CCDC144A: variants seen among roughly 807,000 people sequenced by gnomAD.
CCDC144A encodes coiled-coil domain-containing protein 144A.
CCDC144A carries 41 observed loss-of-function variants against 143.8 expected under a neutral mutation model. The observed-to-expected ratio is 0.29, with a 90% CI of 0.22 to 0.37. The LOEUF (loss-of-function observed/expected upper bound fraction) is 0.37, where lower values mean the gene tolerates loss of function less well. Ranked by LOEUF, CCDC144A falls within the 10% of genes least tolerant of loss-of-function variation. The pLI is 1.00. For synonymous variants in CCDC144A, 242 were observed against 517.9 expected (o/e 0.47, Z 7.23); for missense variants, 637 against 1,488.8 (o/e 0.43, Z 9.41).
intron 8 of CCDC144A, among the ~76,000 whole-genome samples, chr17:16,724,019 A>G (rs1303389406): frequency 6.6e-6 from 1 of 151,658 alleles, no homozygotes; most frequent in Non-Finnish European, 1.5e-5. Context: ...TGTGTTCCAC[A>G]AATCCTGATA....
chr17:16,709,193 C>G lies in CCDC144A; in HGVS notation c.1136C>G (p.Pro379Arg), dbSNP rs1300133600. ...LKNIIHPYYH[P>R]YSGSQEHVCQ... ...AATATCATCCATCCATACTATCATC[C>G]ATACTCTGGGTCCCAGGAACATGTT... is the stretch of plus-strand genomic sequence containing the variant. Residue 379 changes from proline to arginine, a missense_variant, in exon 5 of 17, where the codon CCA (proline) becomes CGA (arginine). Transcript: ENST00000399273. 2 of 1,611,672 alleles carry G rather than the reference C, an allele frequency of 1.2e-6. No individual in the cohort carries two copies. The highest frequency in any genetic ancestry group is 4.5e-5 in the East Asian group (2 of 44,858).
intron 12 of CCDC144A, among the ~76,000 whole-genome samples, chr17:16,737,367 C>A (rs1237104303): frequency 6.6e-6 from 1 of 151,604 alleles, no homozygotes; most frequent in Admixed American, 6.6e-5. Flanking sequence ...GGGGTTTCAC[C>A]GTTTTAGCCG....
At chr17:16,682,817 T>G in the CCDC144A span, among the ~76,000 whole-genome samples, 1 of 151,040 alleles carries the variant, frequency 6.6e-6, no homozygotes, top group African/African-American at 2.4e-5. Flanking sequence ...AATTTTGTTG[T>G]AGTGAGTAGG....
In CCDC144A at chr17:16,763,957, C is replaced by T. The variant is rs373344792; in HGVS notation, c.3888-8C>T. ...ATACTAAGCATTTGTCTTTTTCAAT[C>T]TTCATAGAACTAATGAGATGATAGC... On this transcript the variant is annotated splice_polypyrimidine_tract_variant and splice_region_variant and intron_variant, in intron 14 of 16. Transcript: ENST00000399273. The T allele has an allele frequency of 1.6e-5, 26 of 1,598,494 alleles. No individual in the cohort carries two copies. In the African/African-American group the frequency reaches 2.6e-4, roughly 16 times the overall value.
chr17:16,711,491 T>A (rs1365306671), intron 5 of CCDC144A, among the ~76,000 whole-genome samples, 188 bp from the exon 6 acceptor site: 6 of 152,088 alleles, frequency 3.9e-5, no homozygotes, highest in African/African-American at 1.4e-4. Flanking sequence ...ATGATAAAAT[T>A]ATAATAATTA....
intron 5 of CCDC144A, among the ~76,000 whole-genome samples, chr17:16,711,149 AAAAAAAAAAC>A (rs1286908650): frequency 4.2e-5 from 6 of 141,296 alleles, no homozygotes; most frequent in African/African-American, 1.0e-4. Context: ...AAAAAAAAAA[AAAAAAAAAAC>A]AAAAGTTAGT....
Position 16,724,787 on chromosome 17 carries a change from A to ATTTTTTTTTTT in CCDC144A, c.1892-2714_1892-2704dup, listed in dbSNP as rs760344292. ...AGATTACACGTTCTTGATTAACTGA[A>ATTTTTTTTTTT]TTTTTTTTTTTTTTTTTTTTTTTTT... On this transcript the variant is annotated intron_variant, in intron 8 of 16. Coordinates refer to ENST00000399273, the MANE Select transcript of CCDC144A (RefSeq NM_001382000.1). Among the ~76,000 whole-genome samples, 8 of 35,110 alleles carry ATTTTTTTTTTT rather than the reference A, an allele frequency of 2.3e-4. 2 individuals carry two copies. Among genetic ancestry groups the ATTTTTTTTTTT allele is most frequent in the East Asian group, 9.6e-4 (1 of 1,044 alleles). The allele number at this position is 35,110 out of a possible 152,430, so 23.0% of individuals were successfully genotyped here.
At chr17:16,759,434 T>A (rs1326173391) in intron 12 of CCDC144A, among the ~76,000 whole-genome samples, 1 of 152,202 alleles carries the variant, frequency 6.6e-6, no homozygotes, top group Non-Finnish European at 1.5e-5. Context: ...TGTCTATATT[T>A]GGGAATCTGA....
chr17:16,733,857 G>C (rs1443177490), intron 11 of CCDC144A, among the ~76,000 whole-genome samples: 1 of 152,172 alleles, frequency 6.6e-6, no homozygotes, highest in Non-Finnish European at 1.5e-5. Flanking sequence ...TTGGTACAAG[G>C]CCAGGTGCAG....
At chr17:16,673,387 A>G in the CCDC144A span, among the ~76,000 whole-genome samples, 2 of 138,576 alleles carry the variant, frequency 1.4e-5, no homozygotes, top group African/African-American at 5.3e-5. Flanking sequence ...AGTTATCTTC[A>G]TTTTTTTTTT....
chr17:16,682,886 T>TTTTTG, the CCDC144A span, among the ~76,000 whole-genome samples: 1 of 52,250 alleles, frequency 1.9e-5, no homozygotes, highest in African/African-American at 1.4e-4. Context: ...ATTCTCTGTT[T>TTTTTG]TTTTTTTTTT....
chr17:16,752,219 G>A (rs556552469), intron 12 of CCDC144A, among the ~76,000 whole-genome samples: 36 of 152,300 alleles, frequency 2.4e-4, no homozygotes, highest in South Asian at 1.5e-3. Flanking sequence ...CGCGAGCCGT[G>A]TTGTGAACTG....
chr17:16,691,242 C>T (rs1232026968), intron 1 of CCDC144A, among the ~76,000 whole-genome samples: 1 of 152,028 alleles, frequency 6.6e-6, no homozygotes, highest in Admixed American at 6.5e-5. Flanking sequence ...TCCTTTAGGC[C>T]CTCGGGGTTC....
chr17:16,727,868 C>A, intron 9 of CCDC144A, 128 bp downstream of exon 9: 1 of 616,942 alleles, frequency 1.6e-6, no homozygotes, highest in Non-Finnish European at 2.5e-6. Context: ...ATATGAAATT[C>A]TTGGAAATAA....
chr17:16,687,414 T>C (rs1027204857), upstream of CCDC144A, among the ~76,000 whole-genome samples: 7 of 152,164 alleles, frequency 4.6e-5, no homozygotes, highest in African/African-American at 9.7e-5. Context: ...CCCCTTTCAT[T>C]TCAAAAACAA....
chr17:16,737,783 A>G (rs1413174867), intron 12 of CCDC144A: 3 of 264,510 alleles, frequency 1.1e-5, no homozygotes, highest in African/African-American at 2.2e-5. Flanking sequence ...TATTTTTATT[A>G]TAATTCATTT....
At chr17:16,729,408 A>G (rs1913602906) in intron 9 of CCDC144A, among the ~76,000 whole-genome samples, 1 of 152,110 alleles carries the variant, frequency 6.6e-6, no homozygotes, top group African/African-American at 2.4e-5. Context: ...ATGTCTGTTC[A>G]TGTCATTTGT....
At chr17:16,771,849 T>G in intron 15 of CCDC144A, 128 bp from the exon 16 acceptor site, 1 of 708,874 alleles carries the variant, frequency 1.4e-6, no homozygotes, top group African/African-American at 1.9e-5. Context: ...ATATTTTTAA[T>G]TTAAGCAATC....
At chr17:16,701,648 T>A (rs1419667145) in intron 2 of CCDC144A, among the ~76,000 whole-genome samples, 1 of 150,230 alleles carries the variant, frequency 6.7e-6, no homozygotes, top group Admixed American at 6.7e-5. Flanking sequence ...AGTTCCATGG[T>A]AATTTGATTC....
Sources: gnomAD v4.1 joint callset for allele counts (sites outside exome capture counted in the v4.1 genomes callset) on GRCh38, gnomAD v4.1.1 for gene constraint, MANE v1.5 for transcripts, NCBI Gene and HGNC (gene_info 2026-07-23, HGNC 2026-07-21) for gene names.